The following PIAS2 variants were observed in gnomAD, a reference collection of about 807,000 sequenced individuals.
The protein encoded by PIAS2 is E3 SUMO-protein ligase PIAS2.
In PIAS2, 19 loss-of-function variants were observed where a neutral mutation model predicts 69.7. The observed-to-expected ratio is 0.27, with a 90% CI of 0.19 to 0.40. PIAS2 has a LOEUF of 0.40. Among genes scored for constraint, PIAS2 ranks in the 10% least tolerant of loss-of-function variants. The pLI, the probability that PIAS2 is intolerant of heterozygous loss-of-function variation, is 1.00. For missense variants in PIAS2, 624 were observed against 757.0 expected (o/e 0.82, Z 2.06); for synonymous variants, 261 against 263.2 (o/e 0.99, Z 0.08).
Position 46,877,713 on chromosome 18 carries a change from C to T in PIAS2, c.499+12867G>A, listed in dbSNP as rs116391789. ...ACACGACACAGAACCAGGGAATAAC[C>T]GCGTTAGGGATAAAAACCCCTTCCC... On this transcript the variant is annotated intron_variant, in intron 2 of 13. Coordinates refer to ENST00000585916, the MANE Select transcript of PIAS2 (RefSeq NM_004671.5). Among the ~76,000 whole-genome samples the T allele has an allele frequency of 3.6e-3, 545 of 152,276 alleles. 1 individual carries two copies. The highest frequency in any genetic ancestry group is 8.9e-3 in the African/African-American group (368 of 41,552).
chr18:46,899,166 A>C (rs2055384275), intron 1 of PIAS2, among the ~76,000 whole-genome samples: 2 of 152,206 alleles, frequency 1.3e-5, no homozygotes, highest in South Asian at 4.1e-4. Flanking sequence ...TTAATAAAGA[A>C]TTAAATAAAA....
rs181960909 is a variant in PIAS2 at position 46,883,672 on chromosome 18, C to T, written c.499+6908G>A. The stretch of plus-strand genomic sequence containing the variant: ...TGGGCAACATAGCAAAATCTCATAT[C>T]TACAAAAAAATACAAAAAAATTAGC... On this transcript the variant is annotated intron_variant, in intron 2 of 13. Transcript: ENST00000585916. 5.2e-4 allele frequency among the ~76,000 whole-genome samples: 79 copies of T among 152,196 alleles called. 1 individual carries two copies. The Middle Eastern group carries it at 0.02, about 39-fold the overall frequency.
chr18:46,833,738 T>C (rs1599511458), intron 9 of PIAS2, among the ~76,000 whole-genome samples: 1 of 152,192 alleles, frequency 6.6e-6, no homozygotes, highest in South Asian at 2.1e-4. Flanking sequence ...ATAATTAAAA[T>C]AGTTTCGTAT....
At position 46,807,360 on chromosome 18, in the gene PIAS2, T is replaced by C. The variant is rs2040738170; in HGVS notation, c.*5073A>G. 1 of 25,528 alleles carries C rather than the reference T, an allele frequency of 3.9e-5. No individual in the cohort carries two copies. Among genetic ancestry groups the C allele is most frequent in the Admixed American group, 2.5e-4 (1 of 4,038 alleles). The allele number at this position is 25,528 out of a possible 1,614,324, so 1.6% of individuals were successfully genotyped here. A position where few individuals can be genotyped will look rare whatever the true frequency, so the allele number is the denominator to read the frequency against. On this transcript the variant is annotated 3_prime_UTR_variant, in exon 14 of 14. Coordinates refer to ENST00000585916, the MANE Select transcript of PIAS2 (RefSeq NM_004671.5). The stretch of plus-strand genomic sequence containing the variant: ...TTTCTGAAACATGTCAGATTTTATA[T>C]ATATATATATATATATATATATATT...
At chr18:46,816,751 A>C in intron 12 of PIAS2, 2 of 972,820 alleles carry the variant, frequency 2.1e-6, no homozygotes, top group Middle Eastern at 5.3e-4. Flanking sequence ...TACAGACATA[A>C]GCCACCGCAC....
intron 1 of PIAS2, among the ~76,000 whole-genome samples, chr18:46,896,663 C>T (rs1027388310): frequency 2.6e-4 from 39 of 152,306 alleles, no homozygotes; most frequent in African/African-American, 8.9e-4. Flanking sequence ...AACTTTTAGG[C>T]AAAAGCCTAT....
rs571644185 is a variant in PIAS2 at position 46,901,192 on chromosome 18, C to T, written c.25-10138G>A. 158 of 341,670 alleles carry T rather than the reference C, an allele frequency of 4.6e-4. 1 individual carries two copies. Among genetic ancestry groups the T allele is most frequent in the East Asian group, 1.0e-4 (1 of 10,034 alleles). 21.2% of individuals were successfully genotyped at this position (341,670 alleles called of 1,614,324 possible). ...CAGCACTTTGGGAGGCCAAGGCGGG[C>T]GGATCACCTGCGGTCAGGAGTTCGA... is the stretch of plus-strand genomic sequence containing the variant. On this transcript the variant is annotated intron_variant, in intron 1 of 13. Transcript: ENST00000585916.
At chr18:46,841,887 T>C (rs971934321) in intron 8 of PIAS2, among the ~76,000 whole-genome samples, 3 of 152,210 alleles carry the variant, frequency 2.0e-5, no homozygotes, top group African/African-American at 7.2e-5. Context: ...TGCTCCCTAT[T>C]CTTACATAGA....
chr18:46,858,089 T>C (rs1235071438), intron 3 of PIAS2, among the ~76,000 whole-genome samples: 2 of 152,016 alleles, frequency 1.3e-5, no homozygotes, highest in Non-Finnish European at 2.9e-5. Flanking sequence ...CTCAAGAAGT[T>C]TGCCAGGCAG....
chr18:46,858,666 T>A (rs896544488), intron 3 of PIAS2, among the ~76,000 whole-genome samples: 1 of 152,172 alleles, frequency 6.6e-6, no homozygotes, highest in African/African-American at 2.4e-5. Context: ...CACTGTACTT[T>A]CAGCCTGGGT....
At chr18:46,905,120 C>T (rs2056430457) in intron 1 of PIAS2, among the ~76,000 whole-genome samples, 2 of 152,132 alleles carry the variant, frequency 1.3e-5, no homozygotes, top group Non-Finnish European at 1.5e-5. Context: ...AAATGGACCA[C>T]ATTTTTAATA....
intron 12 of PIAS2, chr18:46,815,909 G>C: frequency 1.0e-6 from 1 of 985,422 alleles, no homozygotes; most frequent in Non-Finnish European, 1.2e-6. Context: ...AAGGGTTACT[G>C]GGTTCTGAGC....
At chr18:46,888,363 A>AT (rs35677026) in intron 2 of PIAS2, among the ~76,000 whole-genome samples, 66,310 of 149,198 alleles carry the variant, frequency 0.44, 14,549 homozygotes, top group Middle Eastern at 0.52. Context: ...CAAAATCCCA[A>AT]TTTTTTTTTT....
chr18:46,918,283 T>C (rs779203643), upstream of PIAS2, among the ~76,000 whole-genome samples: 13 of 151,874 alleles, frequency 8.6e-5, no homozygotes, highest in Non-Finnish European at 1.6e-4. Context: ...GTGTCCAGGG[T>C]TCAATTTCCT....
Position 46,831,752 on chromosome 18 carries a change from CCAAA to C in PIAS2, c.1203-1889_1203-1886del, listed in dbSNP as rs1340135912. On this transcript the variant is annotated intron_variant, in intron 9 of 13. Transcript: ENST00000585916. ...GGTGCAGCAATCACATGGCCATATA[CCAAA>C]CAAAAACAAAACCCTTGTTCTTTAT... 3.3e-5 allele frequency among the ~76,000 whole-genome samples: 5 copies of C among 152,160 alleles called. No homozygotes were observed. In the East Asian group the frequency reaches 7.7e-4, roughly 23 times the overall value.
intron 2 of PIAS2, among the ~76,000 whole-genome samples, chr18:46,875,037 A>G (rs2050944577): frequency 6.6e-6 from 1 of 152,130 alleles, no homozygotes; most frequent in South Asian, 2.1e-4. Flanking sequence ...AATTACCTCT[A>G]AAAAGGGCTT....
chr18:46,810,059 T>C lies in PIAS2; in HGVS notation c.*2374A>G, dbSNP rs1038777123. ...GACAGATAAACAACGTAAGCCCCAA[T>C]TTCAAGATGATAAACTTCAAAGTGT... On this transcript the variant is annotated 3_prime_UTR_variant, in exon 14 of 14. Transcript: ENST00000585916. The C allele has an allele frequency of 1.2e-4, 18 of 151,916 alleles. No individual in the cohort carries two copies. The highest frequency in any genetic ancestry group is 4.4e-4 in the African/African-American group (18 of 41,216). The allele number at this position is 151,916 out of a possible 1,614,324, so 9.4% of individuals were successfully genotyped here.
Position 46,812,362 on chromosome 18 carries a change from G to C in PIAS2, c.*71C>G, listed in dbSNP as rs980554100. ...TTATTAAAAAAAAAAAAAAAAGAAC[G>C]TTTCCACAGACTAGAGATCCAAGAA... On this transcript the variant is annotated 3_prime_UTR_variant, in exon 14 of 14. Coordinates refer to ENST00000585916, the MANE Select transcript of PIAS2 (RefSeq NM_004671.5). 3 of 725,160 alleles carry C rather than the reference G, an allele frequency of 4.1e-6. No homozygotes were observed. The highest frequency in any genetic ancestry group is 1.8e-5 in the African/African-American group (1 of 55,022). The allele number at this position is 725,160 out of a possible 1,614,324, so 44.9% of individuals were successfully genotyped here.
At chr18:46,908,484 C>T (rs2056883354) in intron 1 of PIAS2, among the ~76,000 whole-genome samples, 1 of 151,928 alleles carries the variant, frequency 6.6e-6, no homozygotes, top group Non-Finnish European at 1.5e-5. Flanking sequence ...TTGGTCACCA[C>T]TTCACACTGT....
Sources: gnomAD v4.1 joint callset for allele counts (sites outside exome capture counted in the v4.1 genomes callset) on GRCh38, gnomAD v4.1.1 for gene constraint, MANE v1.5 for transcripts, NCBI Gene and HGNC (gene_info 2026-07-23, HGNC 2026-07-21) for gene names.